The following RUNX1T1 variants were observed in gnomAD, a reference collection of about 807,000 sequenced individuals.
RUNX1T1 encodes the protein protein CBFA2T1.
RUNX1T1 carries 4 observed loss-of-function variants against 62.8 expected under a neutral mutation model. The ratio of observed to expected loss-of-function variants is 0.06; its 90% CI spans 0.03 to 0.15. The LOEUF is 0.15. Among genes scored for constraint, RUNX1T1 ranks in the 10% least tolerant of loss-of-function variants. The pLI is 1.00. For synonymous variants in RUNX1T1, 291 were observed against 286.0 expected (o/e 1.02, Z -0.18); for missense variants, 508 against 754.3 (o/e 0.67, Z 3.82).
At chr8:92,095,595 C>A in intron 1 of RUNX1T1, 7 of 1,378,056 alleles carry the variant, frequency 5.1e-6, no homozygotes, top group East Asian at 2.7e-5. Flanking sequence ...TGAGACGGAG[C>A]GGGAGAGGGA....
intron 10 of RUNX1T1, among the ~76,000 whole-genome samples, chr8:91,964,335 T>A (rs2976501): frequency 6.6e-6 from 1 of 151,918 alleles, no homozygotes; most frequent in African/African-American, 2.4e-5. Context: ...GTCTCTGAAC[T>A]GCTTTAAGTC....
intron 1 of RUNX1T1, among the ~76,000 whole-genome samples, chr8:92,039,322 A>T (rs1828011298): frequency 6.6e-6 from 1 of 151,370 alleles, no homozygotes; most frequent in Non-Finnish European, 1.5e-5. Context: ...GGCTATCTTG[A>T]CCCCTCTTCT....
chr8:91,986,834 C>G, intron 7 of RUNX1T1, 53 bp downstream of exon 8: 1 of 1,134,820 alleles, frequency 8.8e-7, no homozygotes, highest in African/African-American at 1.5e-5. Flanking sequence ...CATAACCTCA[C>G]TCCAGTTGTT....
At chr8:92,017,426 G>T in intron 1 of RUNX1T1, 63 bp from the exon 3 acceptor site, 10 of 1,612,690 alleles carry the variant, frequency 6.2e-6, no homozygotes, top group Non-Finnish European at 8.5e-6. Flanking sequence ...TTCAAGTGGG[G>T]TTTATCTTTT....
intron 1 of RUNX1T1, among the ~76,000 whole-genome samples, chr8:92,085,311 C>T (rs1231573375): frequency 6.6e-6 from 1 of 152,198 alleles, no homozygotes; most frequent in Non-Finnish European, 1.5e-5. Flanking sequence ...AAAAAGGCTC[C>T]TTCCACCACT....
intron 5 of RUNX1T1, among the ~76,000 whole-genome samples, chr8:92,002,393 T>C (rs1819929794): frequency 6.6e-6 from 1 of 151,952 alleles, no homozygotes; most frequent in South Asian, 2.1e-4. Context: ...CATTTCTCTG[T>C]AAATAACAAT....
intron 5 of RUNX1T1, among the ~76,000 whole-genome samples, chr8:92,001,693 G>A (rs1252099892): frequency 6.6e-6 from 1 of 152,120 alleles, no homozygotes; most frequent in Non-Finnish European, 1.5e-5. Context: ...AGATTATTTG[G>A]TTTGATTTCT....
chr8:92,015,387 G>A lies in RUNX1T1; in HGVS notation c.146-567C>T, dbSNP rs978561762. Among the ~76,000 whole-genome samples the A allele has an allele frequency of 2.8e-4, 43 of 152,008 alleles. 1 individual carries two copies. The highest frequency in any genetic ancestry group is 1.0e-3 in the African/African-American group (43 of 41,380). On this transcript the variant is annotated intron_variant, in intron 2 of 10. Transcript: ENST00000396218. ...TCATACTTCTTAACCACTTCTTTAG[G>A]AAAAATGCATATTTTATGTACAAAG... is the stretch of plus-strand genomic sequence containing the variant.
rs545586832 is a variant in RUNX1T1, at chr8:92,071,001, T to C, written c.88+4964A>G. 2.8e-4 allele frequency among the ~76,000 whole-genome samples: 42 copies of C among 152,284 alleles called. 1 individual carries two copies. Among genetic ancestry groups the C allele is most frequent in the Admixed American group, 4.6e-4 (7 of 15,302 alleles). On this transcript the variant is annotated intron_variant, in intron 2 of 11. Transcript: ENST00000265814. The stretch of plus-strand genomic sequence containing the variant: ...CAGATTTCCTCTTGGTAAGATAAAA[T>C]CCTCTTATATTCATGGGATCTCCCA...
At chr8:92,008,300 T>C (rs1586963154) in intron 4 of RUNX1T1, among the ~76,000 whole-genome samples, 1 of 151,772 alleles carries the variant, frequency 6.6e-6, no homozygotes, top group Non-Finnish European at 1.5e-5. Context: ...GTGAAGACTG[T>C]TGCTTGACTT....
At chr8:91,981,154 G>A (rs1342500562) in intron 8 of RUNX1T1, among the ~76,000 whole-genome samples, 1 of 152,070 alleles carries the variant, frequency 6.6e-6, no homozygotes, top group Non-Finnish European at 1.5e-5. Context: ...ATTATGACCT[G>A]CCAAAGGCCA....
intron 1 of RUNX1T1, among the ~76,000 whole-genome samples, chr8:92,030,847 C>T (rs1233557334): frequency 6.6e-6 from 1 of 152,140 alleles, no homozygotes; most frequent in African/African-American, 2.4e-5. Flanking sequence ...ACCTGTCTGG[C>T]GTCTGACACA....
At chr8:92,047,042 G>A (rs1228561599) in intron 1 of RUNX1T1, among the ~76,000 whole-genome samples, 2 of 152,132 alleles carry the variant, frequency 1.3e-5, no homozygotes, top group Admixed American at 6.6e-5. Flanking sequence ...GCTGGGCAGC[G>A]GGTATGTGGG....
At chr8:92,021,088 A>T (rs1382487726) in intron 1 of RUNX1T1, among the ~76,000 whole-genome samples, 1 of 152,108 alleles carries the variant, frequency 6.6e-6, no homozygotes, top group Non-Finnish European at 1.5e-5. Flanking sequence ...AGTCTCAGAG[A>T]TGTTATGGAT....
exon 2 of RUNX1T1, chr8:92,017,341 T>C (rs771234713): frequency 4.3e-6 from 7 of 1,613,908 alleles, no homozygotes; most frequent in Non-Finnish European, 5.1e-6. Context: ...AGTCTGGCAT[T>C]GTGGAGTGCT....
At chr8:92,087,184 C>T (rs1304152690) in intron 1 of RUNX1T1, among the ~76,000 whole-genome samples, 1 of 152,116 alleles carries the variant, frequency 6.6e-6, no homozygotes, top group African/African-American at 2.4e-5. Context: ...TACCCTCCAT[C>T]CCACCTCCCA....
chr8:92,091,775 C>T (rs1837062255), intron 1 of RUNX1T1, among the ~76,000 whole-genome samples: 1 of 152,180 alleles, frequency 6.6e-6, no homozygotes, highest in Non-Finnish European at 1.5e-5. Context: ...CTGGAAACTG[C>T]ATTCCTTAAA....
intron 3 of RUNX1T1, 52 bp from the exon 5 acceptor site, chr8:92,011,143 A>G (rs778254052): frequency 1.0e-6 from 1 of 997,918 alleles, no homozygotes; most frequent in Non-Finnish European, 1.6e-6. Context: ...GTAAATAGTA[A>G]AAACACAAAC....
chr8:92,014,714 A>G (rs1165324493), exon 3 of RUNX1T1: 1 of 1,614,086 alleles, frequency 6.2e-7, no homozygotes, highest in Admixed American at 1.7e-5. Context: ...GCAGCTGTTG[A>G]TTAGCCAGAG....
Sources: allele counts gnomAD v4.1 joint callset (sites outside exome capture counted in the v4.1 genomes callset), GRCh38; gene constraint gnomAD v4.1.1; transcripts MANE v1.5; gene names NCBI Gene and HGNC (gene_info 2026-07-23, HGNC 2026-07-21).